The following COL4A4 variants were observed in gnomAD, a reference collection of about 807,000 sequenced individuals.
COL4A4 encodes collagen type IV alpha 4 chain.
Under a neutral mutation model 192.9 loss-of-function variants are expected in COL4A4, and 105 were observed. The observed-to-expected ratio is 0.54, with a 90% CI of 0.46 to 0.64. The LOEUF is 0.64. COL4A4 is among the 30% of genes least tolerant of loss of function. The pLI, the probability that COL4A4 is intolerant of heterozygous loss-of-function variation, is 0.00. For missense variants in COL4A4, 1,967 were observed against 2,169.3 expected (o/e 0.91, Z 1.85); for synonymous variants, 762 against 769.9 (o/e 0.99, Z 0.17).
intron 31 of COL4A4, among the ~76,000 whole-genome samples, chr2:227,054,179 C>T (rs1183230574): frequency 2.6e-5 from 4 of 152,048 alleles, no homozygotes; most frequent in African/African-American, 7.2e-5. Context: ...AGACTTGAGT[C>T]GTTGTGACAG....
intron 11 of COL4A4, 100 bp from the exon 12 acceptor site, chr2:227,108,722 G>A (rs2061000859): frequency 6.6e-7 from 1 of 1,520,252 alleles, no homozygotes; most frequent in Non-Finnish European, 9.1e-7. Flanking sequence ...GCAGTTCATG[G>A]AATACTTTGG....
chr2:227,075,458 T>C (rs2058973275), intron 25 of COL4A4, among the ~76,000 whole-genome samples: 1 of 152,274 alleles, frequency 6.6e-6, no homozygotes, highest in Admixed American at 6.5e-5. Context: ...GAAAAAACTC[T>C]CAATAAACTA....
Position 227,050,136 on chromosome 2 carries a change from C to T in COL4A4, c.3151-5G>A, listed in dbSNP as rs375631315. On this transcript the variant is annotated splice_polypyrimidine_tract_variant and splice_region_variant and intron_variant, in intron 33 of 47. Transcript: ENST00000396625. The stretch of plus-strand genomic sequence containing the variant: ...ACCTGGAGAACCTGGCTCACCCTGA[C>T]AGTTTAATGAAACAAAAGGCCTTAA... The T allele has an allele frequency of 1.1e-5, 17 of 1,613,600 alleles. No homozygotes were observed. Among genetic ancestry groups the T allele is most frequent in the African/African-American group, 1.3e-5 (1 of 74,900 alleles).
intron 35 of COL4A4, among the ~76,000 whole-genome samples, chr2:227,047,171 A>G (rs1322556421): frequency 1.3e-5 from 2 of 151,962 alleles, no homozygotes; most frequent in Non-Finnish European, 2.9e-5. Flanking sequence ...ATTGTTTGCA[A>G]TATTCATTTT....
At chr2:227,147,992 T>C (rs2063660760) in intron 1 of COL4A4, among the ~76,000 whole-genome samples, 4 of 152,116 alleles carry the variant, frequency 2.6e-5, no homozygotes, top group African/African-American at 9.6e-5. Context: ...AGGAAACTTC[T>C]AGTATACAAA....
intron 8 of COL4A4, among the ~76,000 whole-genome samples, chr2:227,113,243 T>C (rs1029249465): frequency 2.6e-5 from 4 of 152,220 alleles, no homozygotes; most frequent in African/African-American, 9.6e-5. Context: ...TTTTTTATCA[T>C]AGCCATTAGA....
chr2:227,066,453 G>C (rs1053963562), intron 25 of COL4A4, among the ~76,000 whole-genome samples: 5 of 152,072 alleles, frequency 3.3e-5, no homozygotes, highest in Admixed American at 1.3e-4. Flanking sequence ...AAAATGTTAA[G>C]GGCAACCAGA....
At chr2:227,072,395 T>C (rs573337980) in intron 25 of COL4A4, among the ~76,000 whole-genome samples, 2 of 151,596 alleles carry the variant, frequency 1.3e-5, no homozygotes, top group African/African-American at 2.4e-5. Flanking sequence ...AGCAGTGAGA[T>C]TGAATCAGTA....
chr2:227,041,226 A>G (rs1023136887), intron 37 of COL4A4, among the ~76,000 whole-genome samples: 3 of 152,058 alleles, frequency 2.0e-5, no homozygotes, highest in Non-Finnish European at 4.4e-5. Flanking sequence ...AAGCAGGTCT[A>G]TTTTCTTCAA....
At chr2:227,133,257 T>C (rs1298572930) in intron 4 of COL4A4, among the ~76,000 whole-genome samples, 3 of 152,214 alleles carry the variant, frequency 2.0e-5, no homozygotes, top group Non-Finnish European at 2.9e-5. Flanking sequence ...TGCCCAAAAC[T>C]GCCTTCAGAC....
intron 12 of COL4A4, among the ~76,000 whole-genome samples, chr2:227,107,261 T>C (rs1164651341): frequency 6.6e-6 from 1 of 152,140 alleles, no homozygotes; most frequent in Non-Finnish European, 1.5e-5. Context: ...GTTGTCACAA[T>C]TGGAGGGACG....
At chr2:227,079,868 C>T (rs752040899) in intron 24 of COL4A4, among the ~76,000 whole-genome samples, 5 of 152,178 alleles carry the variant, frequency 3.3e-5, no homozygotes, top group Non-Finnish European at 7.3e-5. Context: ...TCCTAAGCAT[C>T]GGATCATCTC....
chr2:227,107,796 T>C (rs1321473220), intron 12 of COL4A4, among the ~76,000 whole-genome samples: 1 of 144,362 alleles, frequency 6.9e-6, no homozygotes, highest in African/African-American at 2.6e-5. Flanking sequence ...TCTTGCTTTG[T>C]CACCAGGCTG....
intron 1 of COL4A4, among the ~76,000 whole-genome samples, chr2:227,151,495 G>A (rs2063941800): frequency 6.6e-6 from 1 of 152,082 alleles, no homozygotes; most frequent in East Asian, 1.9e-4. Flanking sequence ...TTCCATTTTA[G>A]TTTCCAAAAC....
chr2:227,127,945 CT>C (rs2062186067), intron 4 of COL4A4, among the ~76,000 whole-genome samples: 1 of 152,306 alleles, frequency 6.6e-6, no homozygotes, highest in Non-Finnish European at 1.5e-5. Flanking sequence ...CACCCTTGAA[CT>C]CTTAAGACCA....
the COL4A4 span, among the ~76,000 whole-genome samples, chr2:226,991,836 A>G: frequency 0.43 from 65,564 of 151,978 alleles, 14,267 homozygotes; most frequent in South Asian, 0.57. Flanking sequence ...CCCCTTTTTC[A>G]GTAGCCTCCT....
intron 46 of COL4A4, among the ~76,000 whole-genome samples, chr2:227,009,234 G>T (rs139991563): frequency 6.3e-4 from 96 of 152,292 alleles, no homozygotes; most frequent in African/African-American, 2.3e-3. Context: ...AACAGCTGGG[G>T]TCACTGCCTA....
intron 37 of COL4A4, among the ~76,000 whole-genome samples, chr2:227,037,152 G>C (rs1188485312): frequency 6.6e-6 from 1 of 152,082 alleles, no homozygotes. Context: ...TTTTTACATA[G>C]GTATACATGT....
intron 41 of COL4A4, 111 bp downstream of exon 41, chr2:227,030,332 G>C: frequency 8.4e-7 from 1 of 1,190,792 alleles, no homozygotes; most frequent in Admixed American, 1.7e-5. Context: ...CATTTTGGAA[G>C]GTAGTCACTT....
Sources: allele counts gnomAD v4.1 joint callset (sites outside exome capture counted in the v4.1 genomes callset), GRCh38; gene constraint gnomAD v4.1.1; transcripts MANE v1.5; gene names NCBI Gene and HGNC (gene_info 2026-07-23, HGNC 2026-07-21).